Variants in ALK observed in about 807,000 individuals in gnomAD.
ALK encodes the protein ALK receptor tyrosine kinase.
In ALK, 74 loss-of-function variants were observed where a neutral mutation model predicts 163.1. The ratio of observed to expected loss-of-function variants is 0.45; its 90% CI spans 0.38 to 0.55. The LOEUF (loss-of-function observed/expected upper bound fraction) is 0.55. Among genes scored for constraint, ALK ranks in the 20% least tolerant of loss-of-function variants. The pLI is 0.00. For missense variants in ALK, 2,063 were observed against 2,105.3 expected, an observed-to-expected ratio of 0.98 and a Z score of 0.39; for synonymous variants, 960 against 843.2, an observed-to-expected ratio of 1.14 and a Z score of -2.40.
At chr2:29,510,074 G>A (rs1481274206) in intron 4 of ALK, among the ~76,000 whole-genome samples, 1 of 152,204 alleles carries the variant, frequency 6.6e-6, no homozygotes, top group African/African-American at 2.4e-5. Context: ...GGTGGCCACA[G>A]TCCCTGACAT....
intron 1 of ALK, among the ~76,000 whole-genome samples, chr2:29,770,805 TG>T (rs2148343840): frequency 6.6e-6 from 1 of 152,148 alleles, no homozygotes; most frequent in African/African-American, 2.4e-5. Flanking sequence ...ATGCCCAGCA[TG>T]TAAATAATGA....
chr2:29,527,641 G>A (rs914564355), intron 4 of ALK, among the ~76,000 whole-genome samples: 1 of 152,088 alleles, frequency 6.6e-6, no homozygotes, highest in African/African-American at 2.4e-5. Context: ...ATGAATAGCT[G>A]GGATTACAGG....
At chr2:29,359,108 A>G (rs1235838146) in intron 5 of ALK, among the ~76,000 whole-genome samples, 2 of 151,774 alleles carry the variant, frequency 1.3e-5, no homozygotes, top group Non-Finnish European at 2.9e-5. Flanking sequence ...GTAATTAAAA[A>G]AAAAAACTAA....
rs575893409 is a variant in ALK at position 29,694,992 on chromosome 2, G to C, written c.810C>G (p.Phe270Leu). 1.2e-6 allele frequency: 2 copies of C among 1,613,960 alleles called. No homozygotes were observed. Among genetic ancestry groups the C allele is most frequent in the African/African-American group, 2.7e-5 (2 of 74,920 alleles). Residue 270 changes from phenylalanine (F) to leucine (L), a missense_variant, in exon 3 of 29, where the codon TTC (phenylalanine) becomes TTG (leucine). This residue lies in a region of ALK where 987 missense variants were observed against 939.5 expected (regional missense o/e 1.05). Coordinates refer to ENST00000389048, the MANE Select transcript of ALK (RefSeq NM_004304.5). Reference protein sequence around the residue: ...SRYGLECSFDFPCELEYSPPL... With the variant: ...SRYGLECSFDLPCELEYSPPL... ...GAGGGGAATACTCCAGCTCACAGGG[G>C]AAGTCAAAGCTGCACTCCAGACCTG...
At chr2:29,751,863 A>G (rs1680374410) in intron 1 of ALK, among the ~76,000 whole-genome samples, 1 of 152,208 alleles carries the variant, frequency 6.6e-6, no homozygotes, top group Non-Finnish European at 1.5e-5. Flanking sequence ...TGGTGATGAA[A>G]ATATACATAA....
At position 29,571,602 on chromosome 2, in the gene ALK, C is replaced by CTTTTTTTTT. The variant is rs60429543; in HGVS notation, c.953-39495_953-39487dup. ...TAAATTACCTAGTCTTGGCTCATATCTTTTTTTTTTTTTTTTTTTTTTTTT... is the reference window on the plus strand; with the variant it reads ...TAAATTACCTAGTCTTGGCTCATATCTTTTTTTTTTTTTTTTTTTTTTTTTTTTTTTTTT... On this transcript the variant is annotated intron_variant, in intron 3 of 28. Coordinates refer to ENST00000389048, the MANE Select transcript of ALK (RefSeq NM_004304.5). Among the ~76,000 whole-genome samples, 146 of 68,504 alleles carry CTTTTTTTTT rather than the reference C, an allele frequency of 2.1e-3. 2 individuals carry two copies. Among genetic ancestry groups the CTTTTTTTTT allele is most frequent in the African/African-American group, 2.5e-3 (34 of 13,630 alleles). 44.9% of individuals were successfully genotyped at this position (68,504 alleles called of 152,430 possible). A position where few individuals can be genotyped will look rare whatever the true frequency, so the allele number is the denominator to read the frequency against.
At chr2:29,433,042 A>C (rs988666227) in intron 4 of ALK, among the ~76,000 whole-genome samples, 3 of 152,220 alleles carry the variant, frequency 2.0e-5, no homozygotes, top group African/African-American at 4.8e-5. Context: ...TTAACAAAAA[A>C]GTCCTCTTTA....
chr2:29,635,609 T>C (rs1170961046), intron 3 of ALK, among the ~76,000 whole-genome samples: 5 of 152,052 alleles, frequency 3.3e-5, no homozygotes, highest in African/African-American at 1.2e-4. Flanking sequence ...AATACATTTC[T>C]ATTGTTTTAT....
intron 3 of ALK, among the ~76,000 whole-genome samples, chr2:29,598,501 G>C (rs1431041363): frequency 6.6e-6 from 1 of 152,134 alleles, no homozygotes; most frequent in Non-Finnish European, 1.5e-5. Context: ...GTTTTTATTA[G>C]GGACATCATG....
At chr2:29,668,924 A>C (rs1677599481) in intron 3 of ALK, among the ~76,000 whole-genome samples, 1 of 152,088 alleles carries the variant, frequency 6.6e-6, no homozygotes, top group African/African-American at 2.4e-5. Context: ...ACGCTATGTA[A>C]GACTTATTCA....
At chr2:29,647,778 T>TC (rs1409951760) in intron 3 of ALK, among the ~76,000 whole-genome samples, 4,915 of 122,194 alleles carry the variant, frequency 0.04, 322 homozygotes, top group African/African-American at 0.17. Flanking sequence ...ATTTTTTCTT[T>TC]TTTTTTTTTT....
intron 8 of ALK, among the ~76,000 whole-genome samples, chr2:29,314,416 GGT>G (rs1666772653): frequency 6.6e-6 from 1 of 152,092 alleles, no homozygotes; most frequent in African/African-American, 2.4e-5. Context: ...TATTGCTAGA[GGT>G]GACGTCAGGG....
At chr2:29,639,208 G>A (rs1450377786) in intron 3 of ALK, among the ~76,000 whole-genome samples, 1 of 152,116 alleles carries the variant, frequency 6.6e-6, no homozygotes, top group East Asian at 1.9e-4. Context: ...TTGCATGGAG[G>A]TCGGCATCAC....
chr2:29,552,247 T>C (rs1330328187), intron 3 of ALK, among the ~76,000 whole-genome samples: 1 of 152,228 alleles, frequency 6.6e-6, no homozygotes. Flanking sequence ...TATCCATTCA[T>C]CTGCTGATGG....
chr2:29,420,176 A>G (rs898536264), intron 4 of ALK, among the ~76,000 whole-genome samples: 4 of 149,452 alleles, frequency 2.7e-5, no homozygotes, highest in African/African-American at 1.0e-4. Flanking sequence ...AAAAAAAAAA[A>G]AAGGTAGGGA....
intron 12 of ALK, among the ~76,000 whole-genome samples, chr2:29,247,210 G>A (rs547972561): frequency 6.6e-6 from 1 of 152,296 alleles, no homozygotes; most frequent in South Asian, 2.1e-4. Context: ...AACCTCCACT[G>A]TAGTTCTCCC....
At chr2:29,912,381 T>C (rs1667729023) in intron 1 of ALK, among the ~76,000 whole-genome samples, 1 of 152,096 alleles carries the variant, frequency 6.6e-6, no homozygotes, top group Non-Finnish European at 1.5e-5. Context: ...TAATGGCAGA[T>C]TGCTCATCAC....
chr2:29,472,172 G>T (rs1443757725), intron 4 of ALK, among the ~76,000 whole-genome samples: 1 of 152,166 alleles, frequency 6.6e-6, no homozygotes, highest in Non-Finnish European at 1.5e-5. Context: ...TATATGAGAG[G>T]CCCAAGTAGT....
At chr2:29,250,861 T>C (rs1194698433) in intron 12 of ALK, among the ~76,000 whole-genome samples, 1 of 152,242 alleles carries the variant, frequency 6.6e-6, no homozygotes, top group Non-Finnish European at 1.5e-5. Context: ...AGCTCATGCA[T>C]GCATATCACC....
Sources: allele counts gnomAD v4.1 joint callset (sites outside exome capture counted in the v4.1 genomes callset), GRCh38; gene constraint gnomAD v4.1.1; regional missense constraint gnomAD v4.1.1; transcripts MANE v1.5; gene names NCBI Gene and HGNC (gene_info 2026-07-23, HGNC 2026-07-21).